The following ZNF540 variants were observed in gnomAD, a reference collection of about 807,000 sequenced individuals.
ZNF540 encodes the protein zinc finger protein 540.
Under a neutral mutation model 11.8 loss-of-function variants are expected in ZNF540, and 3 were observed. The observed-to-expected ratio is 0.25, with a 90% CI of 0.12 to 0.65. The LOEUF is 0.65. ZNF540 is among the 30% of genes least tolerant of loss of function. ZNF540 has a pLI of 0.83. For missense variants in ZNF540, 709 were observed against 793.1 expected (o/e 0.89, Z 1.27); for synonymous variants, 247 against 259.0 (o/e 0.95, Z 0.45).
chr19:37,586,823 TCTC>T (rs1338561812), intron 1 of ZNF540: 1 of 821,262 alleles, frequency 1.2e-6, no homozygotes, highest in Non-Finnish European at 1.9e-6. Context: ...TACCTTTACT[TCTC>T]CTCTTTTGGG....
In ZNF540 at chr19:37,569,833, GTTTTTCA is replaced by G. The variant is rs1805360518; in HGVS notation, c.-73+18171_-73+18177del. 6.6e-6 allele frequency: 1 copy of G among 152,278 alleles called. No homozygotes were observed. The highest frequency in any genetic ancestry group is 2.4e-5 in the African/African-American group (1 of 41,408). The allele number at this position is 152,278 out of a possible 1,614,324, so 9.4% of individuals were successfully genotyped here. A position where few individuals can be genotyped will look rare whatever the true frequency, so the allele number is the denominator to read the frequency against. The stretch of plus-strand genomic sequence containing the variant: ...CTCTCTATCCTCAGTCTCCTTACCT[GTTTTTCA>G]TTCTTTCAGGGCTCACCTGAAACTT... On this transcript the variant is annotated intron_variant, in intron 1 of 4. Transcript: ENST00000592533. The surrounding 1 kb of genome is among the most constrained non-coding windows in gnomAD (Gnocchi z 4.4).
intron 1 of ZNF540, chr19:37,565,653 CT>C (rs1378011704): frequency 6.2e-7 from 1 of 1,613,254 alleles, no homozygotes; most frequent in South Asian, 1.1e-5. Flanking sequence ...TAACTAAAGG[CT>C]TTTCCACATT....
upstream of ZNF540, among the ~76,000 whole-genome samples, chr19:37,589,941 A>G (rs964329178): frequency 6.6e-5 from 10 of 151,178 alleles, no homozygotes; most frequent in Non-Finnish European, 1.3e-4. Flanking sequence ...ACTGAGGAAC[A>G]ATCTACAAAA....
chr19:37,561,048 C>CAAAAAAAAAAAAAAAAAAAA (rs199892724), intron 1 of ZNF540, among the ~76,000 whole-genome samples: 3 of 73,784 alleles, frequency 4.1e-5, no homozygotes, highest in African/African-American at 1.4e-4. Context: ...CCTGTCTCTA[C>CAAAAAAAAAAAAAAAAAAAA]AAAAAAAAAA....
intron 4 of ZNF540, among the ~76,000 whole-genome samples, chr19:37,603,857 A>G (rs919412907): frequency 2.0e-5 from 3 of 152,184 alleles, no homozygotes; most frequent in African/African-American, 7.2e-5. Flanking sequence ...TGATTCCTCT[A>G]TATCAAGCCA....
chr19:37,578,178 C>G (rs966933953), intron 1 of ZNF540, among the ~76,000 whole-genome samples: 4 of 152,182 alleles, frequency 2.6e-5, no homozygotes, highest in East Asian at 3.9e-4. Context: ...GCCAGAAATA[C>G]TGTGTTCCAT....
intron 1 of ZNF540, among the ~76,000 whole-genome samples, chr19:37,553,014 T>G (rs867239761): frequency 1.1e-3 from 159 of 151,332 alleles, no homozygotes; most frequent in African/African-American, 3.6e-3. Flanking sequence ...ATGGTGTTTT[T>G]TTTTTTTTTT....
At chr19:37,592,463 A>T (rs1278440655), upstream of ZNF540, among the ~76,000 whole-genome samples, 1 of 152,240 alleles carries the variant, frequency 6.6e-6, no homozygotes, top group East Asian at 1.9e-4. Flanking sequence ...AGGACCACAG[A>T]TCATTGTAAT....
At chr19:37,557,406 G>C (rs2042671001) in intron 1 of ZNF540, among the ~76,000 whole-genome samples, 2 of 152,194 alleles carry the variant, frequency 1.3e-5, no homozygotes, top group Non-Finnish European at 1.5e-5. Context: ...TAGCAAAGGC[G>C]TACCTGCTGT....
At position 37,586,678 on chromosome 19, in the gene ZNF540, G is replaced by C. The variant is rs777984589; in HGVS notation, c.-72-11698G>C. 2.5e-6 allele frequency: 4 copies of C among 1,613,926 alleles called. No homozygotes were observed. The East Asian group carries it at 8.9e-5, about 36-fold the overall frequency. The stretch of plus-strand genomic sequence containing the variant: ...GAAACAGCAACTCACGTGGGGCATG[G>C]TTTTTTAGAACTGATCAATTTTCTG... On this transcript the variant is annotated intron_variant, in intron 1 of 4. Coordinates refer to the ZNF540 transcript ENST00000592533.
At chr19:37,581,336 C>T (rs2043451909) in intron 1 of ZNF540, among the ~76,000 whole-genome samples, 1 of 152,068 alleles carries the variant, frequency 6.6e-6, no homozygotes, top group Admixed American at 6.6e-5. Flanking sequence ...ATGTTATTAC[C>T]AATAACAGCA....
At chr19:37,583,689 C>T in intron 1 of ZNF540, 1 of 263,780 alleles carries the variant, frequency 3.8e-6, no homozygotes, top group South Asian at 6.6e-5. Context: ...AGGGACTGCA[C>T]ATACAGCTTA....
intron 1 of ZNF540, chr19:37,566,243 A>T (rs1184733018): frequency 6.2e-7 from 1 of 1,613,470 alleles, no homozygotes; most frequent in African/African-American, 1.3e-5. Context: ...CATTTCATAA[A>T]TTTCCTTTTC....
intron 1 of ZNF540, among the ~76,000 whole-genome samples, chr19:37,584,691 G>A (rs1311721323): frequency 1.3e-5 from 2 of 152,068 alleles, no homozygotes; most frequent in African/African-American, 2.4e-5. Flanking sequence ...GGCCGGGCGC[G>A]GTGGCTCACG....
chr19:37,601,270 A>G, intron 4 of ZNF540, 165 bp downstream of exon 4: 1 of 504,394 alleles, frequency 2.0e-6, no homozygotes, highest in Non-Finnish European at 3.4e-6. Context: ...TCATCTGAGC[A>G]TGAACTATCA....
chr19:37,562,869 T>C (rs1438231802), intron 1 of ZNF540: 1 of 152,234 alleles, frequency 6.6e-6, no homozygotes, highest in Non-Finnish European at 1.5e-5. Flanking sequence ...GTTAACTGGC[T>C]TTTGAGTGTT....
intron 1 of ZNF540, chr19:37,585,786 A>T (rs1288531953): frequency 6.6e-6 from 1 of 152,194 alleles, no homozygotes; most frequent in African/African-American, 2.4e-5. Context: ...AGTGCAATTA[A>T]ATTAAGGATC....
At chr19:37,578,962 G>A (rs775970189) in intron 1 of ZNF540, among the ~76,000 whole-genome samples, 1 of 152,036 alleles carries the variant, frequency 6.6e-6, no homozygotes, top group Non-Finnish European at 1.5e-5. Context: ...AAGGGCAAGC[G>A]CGCCACGTGC....
At chr19:37,596,302 T>C (rs371931873) in intron 1 of ZNF540, among the ~76,000 whole-genome samples, 9 of 152,244 alleles carry the variant, frequency 5.9e-5, no homozygotes, top group African/African-American at 2.2e-4. Context: ...TTGCAGATAC[T>C]GTATTTGTTT....
Sources: gnomAD v4.1 joint callset for allele counts (sites outside exome capture counted in the v4.1 genomes callset) on GRCh38, gnomAD v4.1.1 for gene constraint, Gnocchi (gnomAD v3.1) non-coding constraint, MANE v1.5 for transcripts, NCBI Gene and HGNC (gene_info 2026-07-23, HGNC 2026-07-21) for gene names.